Variants in UBE4A observed in about 807,000 individuals in gnomAD.
UBE4A encodes the protein ubiquitination factor E4A.
UBE4A carries 48 observed loss-of-function variants against 117.9 expected under a neutral mutation model. The ratio of observed to expected loss-of-function variants is 0.41; its 90% CI spans 0.32 to 0.52. The LOEUF is 0.52. UBE4A is among the 20% of genes least tolerant of loss of function. UBE4A has a pLI of 0.33. For missense variants in UBE4A, 1,067 were observed against 1,296.3 expected (o/e 0.82, Z 2.72); for synonymous variants, 407 against 450.0 (o/e 0.90, Z 1.21).
At position 118,374,995 on chromosome 11, in the gene UBE4A, T is replaced by A. The variant is rs1465367413; in HGVS notation, c.1216T>A (p.Cys406Ser). ...KHCILSWLGN[C>S]LHANAGRTKI... Reference sequence around the variant, plus strand: ...CTGTATCTTGTCCTGGCTTGGAAACTGTTTGCATGCAAATGCAGGCCGCAC... The same window carrying A: ...CTGTATCTTGTCCTGGCTTGGAAACAGTTTGCATGCAAATGCAGGCCGCAC... Residue 406 changes from cysteine (C) to serine (S), a missense_variant, in exon 9 of 20, where the codon TGT becomes AGT. Cys to Ser is a moderately radical substitution (Grantham distance 112, BLOSUM62 -1). Coordinates refer to ENST00000252108, the MANE Select transcript of UBE4A (RefSeq NM_001204077.2). 6.2e-7 allele frequency: 1 copy of A among 1,612,202 alleles called. No homozygotes were observed. The highest frequency in any genetic ancestry group is 8.5e-7 in the Non-Finnish European group (1 of 1,178,622).
At chr11:118,360,090 G>A (rs1184892101) in intron 1 of UBE4A, among the ~76,000 whole-genome samples, 1 of 152,192 alleles carries the variant, frequency 6.6e-6, no homozygotes, top group East Asian at 1.9e-4. Flanking sequence ...AAGATTAATC[G>A]TGAGTCGTAA....
intron 13 of UBE4A, among the ~76,000 whole-genome samples, chr11:118,383,976 A>G (rs1474857156): frequency 1.3e-5 from 2 of 152,196 alleles, no homozygotes; most frequent in East Asian, 3.8e-4. Flanking sequence ...ATACAACCAA[A>G]GTGTTGTAAT....
At chr11:118,370,611 A>G (rs1287867510) in intron 4 of UBE4A, among the ~76,000 whole-genome samples, 1 of 151,872 alleles carries the variant, frequency 6.6e-6, no homozygotes, top group East Asian at 1.9e-4. Context: ...ACAGAGCAAG[A>G]AAGACCCATC....
At chr11:118,386,029 T>G (rs1948754139) in intron 15 of UBE4A, among the ~76,000 whole-genome samples, 1 of 152,230 alleles carries the variant, frequency 6.6e-6, no homozygotes, top group African/African-American at 2.4e-5. Context: ...GATAGAGCTT[T>G]GATTTTTTTG....
chr11:118,377,432 C>G (rs1358187405), intron 10 of UBE4A, among the ~76,000 whole-genome samples: 2 of 151,956 alleles, frequency 1.3e-5, no homozygotes, highest in Admixed American at 6.6e-5. Context: ...TGGTCTCGAA[C>G]TCCTGACCTC....
At chr11:118,374,750 T>C (rs767525763) in intron 8 of UBE4A, 146 bp from the exon 9 acceptor site, 159 of 731,954 alleles carry the variant, frequency 2.2e-4, no homozygotes, top group Non-Finnish European at 3.0e-4. Flanking sequence ...AAATATATTT[T>C]AAAATCAAAT....
intron 4 of UBE4A, among the ~76,000 whole-genome samples, chr11:118,370,024 G>A (rs868103605): frequency 1.3e-5 from 2 of 151,742 alleles, no homozygotes; most frequent in Middle Eastern, 3.4e-3. Context: ...CCCAGGAGGC[G>A]GAGGTTGCAA....
At chr11:118,372,942 C>A in intron 6 of UBE4A, 144 bp from the exon 7 acceptor site, 1 of 829,352 alleles carries the variant, frequency 1.2e-6, no homozygotes, top group South Asian at 1.8e-5. Flanking sequence ...CTGTGAATAG[C>A]CACTACACTC....
intron 11 of UBE4A, among the ~76,000 whole-genome samples, chr11:118,380,132 T>C (rs78023593): frequency 0.042 from 2,875 of 68,338 alleles, 33 homozygotes; most frequent in Non-Finnish European, 0.059. Flanking sequence ...TGTGTGTGTG[T>C]GCGTGTGTGT....
At position 118,372,570 on chromosome 11, in the gene UBE4A, A is replaced by C. The variant is rs1948617940; in HGVS notation, c.625A>C (p.Asn209His). The stretch of plus-strand genomic sequence containing the variant: ...GCAGTGCAGAAACCTCACTGTGTCC[A>C]ATACCCGAACAGTTCTTCTCACCCC... Reference protein sequence around the residue: ...AVQCRNLTVSNTRTVLLTPEI... With the variant: ...AVQCRNLTVSHTRTVLLTPEI... Residue 209 changes from asparagine (N) to histidine (H), a missense_variant, in exon 6 of 20, where the codon AAT becomes CAT. Physicochemically the swap from Asn to His is moderately conservative, Grantham distance 68 (BLOSUM62 1). Coordinates refer to ENST00000252108, the MANE Select transcript of UBE4A (RefSeq NM_001204077.2). 2 of 1,614,126 alleles carry C rather than the reference A, an allele frequency of 1.2e-6. No homozygotes were observed. Among genetic ancestry groups the C allele is most frequent in the African/African-American group, 2.7e-5 (2 of 75,034 alleles).
At chr11:118,370,125 C>G (rs112152942) in intron 4 of UBE4A, among the ~76,000 whole-genome samples, 3,768 of 151,848 alleles carry the variant, frequency 0.025, 71 homozygotes, top group Non-Finnish European at 0.037. Flanking sequence ...AAAGCCTTGC[C>G]AAATAAAAGT....
At chr11:118,383,350 T>G (rs1948723747) in intron 13 of UBE4A, among the ~76,000 whole-genome samples, 1 of 151,980 alleles carries the variant, frequency 6.6e-6, no homozygotes, top group Non-Finnish European at 1.5e-5. Context: ...TCCCAGCGTT[T>G]TGGGAGGCCA....
At chr11:118,387,764 A>G (rs1425173559) in intron 16 of UBE4A, among the ~76,000 whole-genome samples, 1 of 152,258 alleles carries the variant, frequency 6.6e-6, no homozygotes, top group Non-Finnish European at 1.5e-5. Context: ...CACTTCCAAC[A>G]GTGTCATTTG....
At chr11:118,376,822 G>T in intron 10 of UBE4A, 128 bp downstream of exon 10, 1 of 1,152,918 alleles carries the variant, frequency 8.7e-7, no homozygotes. Flanking sequence ...GGCCAAGGCA[G>T]AAGGATTGCT....
At chr11:118,383,706 A>G (rs1948728554) in intron 13 of UBE4A, among the ~76,000 whole-genome samples, 1 of 152,102 alleles carries the variant, frequency 6.6e-6, no homozygotes, top group South Asian at 2.1e-4. Flanking sequence ...TATGTTAAGA[A>G]GTTGTTGAAG....
At chr11:118,393,126 A>G (rs1479678879) in intron 19 of UBE4A, among the ~76,000 whole-genome samples, 2 of 152,162 alleles carry the variant, frequency 1.3e-5, no homozygotes, top group East Asian at 3.9e-4. Flanking sequence ...CCTTAAGAAA[A>G]TAATTTCTGG....
chr11:118,388,250 C>T (rs1948777565), intron 16 of UBE4A, among the ~76,000 whole-genome samples: 1 of 152,066 alleles, frequency 6.6e-6, no homozygotes, highest in South Asian at 2.1e-4. Context: ...ACCAACCAAA[C>T]ATAGCATTAT....
chr11:118,372,411 G>A, intron 5 of UBE4A, 96 bp from the exon 6 acceptor site: 1 of 1,258,414 alleles, frequency 7.9e-7, no homozygotes, highest in Non-Finnish European at 1.1e-6. Context: ...GCATCCACAG[G>A]AGACCAGTAT....
In UBE4A at chr11:118,399,109, G is replaced by A; in HGVS notation, c.*2669G>A. 2 of 454,456 alleles carry A rather than the reference G, an allele frequency of 4.4e-6. No homozygotes were observed. The highest frequency in any genetic ancestry group is 8.9e-6 in the Non-Finnish European group (2 of 225,772). 28.2% of individuals were successfully genotyped at this position (454,456 alleles called of 1,614,324 possible). A position where few individuals can be genotyped will look rare whatever the true frequency, so the allele number is the denominator to read the frequency against. On this transcript the variant is annotated 3_prime_UTR_variant, in exon 20 of 20. Transcript: ENST00000252108. ...TTGATTGAAATAAAACTTGATCAAC[G>A]CGACTGTATTTTGAAACATTCCAGG... is the stretch of plus-strand genomic sequence containing the variant.
Sources: gnomAD v4.1 joint callset for allele counts (sites outside exome capture counted in the v4.1 genomes callset) on GRCh38, gnomAD v4.1.1 for gene constraint, MANE v1.5 for transcripts, NCBI Gene and HGNC (gene_info 2026-07-23, HGNC 2026-07-21) for gene names.